NRXN3: variants seen among roughly 807,000 people sequenced by gnomAD.
The protein encoded by NRXN3 is neurexin III.
Under a neutral mutation model 137.6 loss-of-function variants are expected in NRXN3, and 32 were observed. That is an observed-to-expected ratio of 0.23 (90% CI 0.18 to 0.31). The LOEUF (loss-of-function observed/expected upper bound fraction) is 0.31. Among genes scored for constraint, NRXN3 ranks in the 10% least tolerant of loss-of-function variants. The probability of loss-of-function intolerance (pLI) is 1.00; values close to 1 mark genes in which losing one functional copy is unlikely to be tolerated. For synonymous variants in NRXN3, 798 were observed against 784.5 expected, an observed-to-expected ratio of 1.02 and a Z score of -0.29; for missense variants, 1,574 against 2,062.5, an observed-to-expected ratio of 0.76 and a Z score of 4.59.
chr14:79,839,772 A>C (rs539521385), intron 20 of NRXN3, among the ~76,000 whole-genome samples: 9 of 152,224 alleles, frequency 5.9e-5, no homozygotes, highest in Non-Finnish European at 8.8e-5. Context: ...AGTTGCAGAA[A>C]GCACTTGTAA....
At chr14:79,751,973 C>A (rs1314107215) in intron 19 of NRXN3, among the ~76,000 whole-genome samples, 2 of 152,154 alleles carry the variant, frequency 1.3e-5, no homozygotes, top group Non-Finnish European at 2.9e-5. Flanking sequence ...ATTCGGTTTG[C>A]CAGTATTTTA....
chr14:78,292,764 C>G (rs2075932442), intron 3 of NRXN3, among the ~76,000 whole-genome samples: 1 of 152,186 alleles, frequency 6.6e-6, no homozygotes, highest in Admixed American at 6.5e-5. Flanking sequence ...GTGTGGTCCC[C>G]TCTGCTTCCA....
intron 15 of NRXN3, among the ~76,000 whole-genome samples, chr14:79,387,992 T>G: frequency 6.8e-6 from 1 of 147,734 alleles, no homozygotes; most frequent in African/African-American, 2.5e-5. Context: ...TTAGGAGATA[T>G]AGCTAATGTA....
At chr14:79,739,749 G>C (rs1261621641) in intron 19 of NRXN3, among the ~76,000 whole-genome samples, 1 of 151,088 alleles carries the variant, frequency 6.6e-6, no homozygotes, top group Non-Finnish European at 1.5e-5. Context: ...ATGCTGTTGA[G>C]GTCATCACCA....
chr14:78,774,341 T>C (rs1380858003), intron 8 of NRXN3, among the ~76,000 whole-genome samples: 1 of 152,202 alleles, frequency 6.6e-6, no homozygotes, highest in African/African-American at 2.4e-5. Flanking sequence ...TATCCCAAGA[T>C]AAATGAGCCC....
intron 16 of NRXN3, among the ~76,000 whole-genome samples, chr14:79,468,649 T>C (rs2096460484): frequency 1.3e-5 from 2 of 152,190 alleles, no homozygotes; most frequent in African/African-American, 2.4e-5. Context: ...GCCGGAATCA[T>C]GCATGACAAG....
At chr14:78,511,957 T>G (rs576441608) in intron 4 of NRXN3, among the ~76,000 whole-genome samples, 91 of 152,310 alleles carry the variant, frequency 6.0e-4, no homozygotes, top group Admixed American at 2.5e-3. Flanking sequence ...TTATATTAAC[T>G]GCAAAGGGAT....
chr14:79,234,293 A>AATATACATAT, intron 15 of NRXN3, among the ~76,000 whole-genome samples: 2 of 56,188 alleles, frequency 3.6e-5, no homozygotes, highest in East Asian at 1.4e-3. Context: ...TTCAATGGTA[A>AATATACATAT]ATATATATAT....
intron 4 of NRXN3, among the ~76,000 whole-genome samples, chr14:78,541,842 CTGTT>C (rs1177039298): frequency 1.3e-5 from 2 of 152,162 alleles, no homozygotes; most frequent in African/African-American, 4.8e-5. Context: ...CTATTCTTTT[CTGTT>C]TGTTAGTTTT....
At chr14:78,629,139 T>C (rs2097496638) in intron 4 of NRXN3, among the ~76,000 whole-genome samples, 2 of 152,196 alleles carry the variant, frequency 1.3e-5, no homozygotes, top group South Asian at 4.1e-4. Flanking sequence ...ATCACCCCCA[T>C]TTCAAGGGCT....
chr14:78,861,348 A>G (rs960804530), intron 10 of NRXN3, among the ~76,000 whole-genome samples: 3 of 152,298 alleles, frequency 2.0e-5, no homozygotes, highest in Middle Eastern at 3.4e-3. Context: ...ATACCAATAA[A>G]CATTGACAAA....
intron 8 of NRXN3, among the ~76,000 whole-genome samples, chr14:78,793,317 C>T (rs970750931): frequency 3.3e-5 from 5 of 151,956 alleles, no homozygotes; most frequent in East Asian, 1.9e-4. Context: ...AGAACAGTGA[C>T]GGCATTTAAA....
chr14:79,085,890 C>T (rs1454872764), intron 15 of NRXN3, among the ~76,000 whole-genome samples: 1 of 152,136 alleles, frequency 6.6e-6, no homozygotes, highest in Non-Finnish European at 1.5e-5. Flanking sequence ...ATAAAACTAC[C>T]TGTTCAGCTG....
chr14:79,401,623 T>C (rs2095197647), intron 15 of NRXN3, among the ~76,000 whole-genome samples: 1 of 152,158 alleles, frequency 6.6e-6, no homozygotes. Flanking sequence ...AGATGTCTTA[T>C]TTTGCTTCCA....
At chr14:79,376,195 G>GGT (rs369678546) in intron 15 of NRXN3, among the ~76,000 whole-genome samples, 19 of 95,388 alleles carry the variant, frequency 2.0e-4, no homozygotes, top group East Asian at 1.2e-3. Flanking sequence ...TATACATGTG[G>GGT]GTGTGTGTGT....
At chr14:78,874,948 T>A (rs1265822664) in intron 10 of NRXN3, among the ~76,000 whole-genome samples, 1 of 152,194 alleles carries the variant, frequency 6.6e-6, no homozygotes, top group African/African-American at 2.4e-5. Flanking sequence ...AATTAAACTG[T>A]GGGACGGACT....
At chr14:78,555,756 T>G (rs1424475157) in intron 4 of NRXN3, among the ~76,000 whole-genome samples, 1 of 152,190 alleles carries the variant, frequency 6.6e-6, no homozygotes, top group African/African-American at 2.4e-5. Context: ...GGGCTGGCAG[T>G]GGAATATTAT....
At chr14:78,809,877 G>A (rs182437477) in intron 9 of NRXN3, among the ~76,000 whole-genome samples, 98 of 152,070 alleles carry the variant, frequency 6.4e-4, no homozygotes, top group South Asian at 3.1e-3. Flanking sequence ...CTTTAAAAAC[G>A]AATTTTAAGA....
chr14:79,338,242 T>TGTGTGTGA lies in NRXN3; in HGVS notation c.3263-128972_3263-128971insAGTGTGTG, dbSNP rs1555386007. 4.6e-5 allele frequency among the ~76,000 whole-genome samples: 7 copies of TGTGTGTGA among 151,458 alleles called. No individual in the cohort carries two copies. In the East Asian group the frequency reaches 1.2e-3, roughly 25 times the overall value. ...GAGTGTGTGTGTGTGTGTGTGTGTG[T>TGTGTGTGA]GTGTGTGTGAAGGAAGAGTAAGTGT... On this transcript the variant is annotated intron_variant, in intron 15 of 20. Transcript: ENST00000335750.
Sources: gnomAD v4.1 joint callset for allele counts (sites outside exome capture counted in the v4.1 genomes callset) on GRCh38, gnomAD v4.1.1 for gene constraint, MANE v1.5 for transcripts, NCBI Gene and HGNC (gene_info 2026-07-23, HGNC 2026-07-21) for gene names.